The following SVEP1 variants were observed in gnomAD, a reference collection of about 807,000 sequenced individuals.
SVEP1 encodes sushi, von Willebrand factor type A, EGF and pentraxin domain-containing protein 1.
SVEP1 carries 164 observed loss-of-function variants against 367.3 expected under a neutral mutation model. The ratio of observed to expected loss-of-function variants is 0.45; its 90% CI spans 0.39 to 0.51. The LOEUF is 0.51. Among genes scored for constraint, SVEP1 ranks in the 20% least tolerant of loss-of-function variants. SVEP1 has a pLI of 0.00. For missense variants in SVEP1, 4,117 were observed against 4,425.3 expected (o/e 0.93, Z 1.98); for synonymous variants, 1,666 against 1,611.6 (o/e 1.03, Z -0.81).
chr9:110,476,884 C>A (rs1034013194), intron 13 of SVEP1, among the ~76,000 whole-genome samples: 52 of 152,242 alleles, frequency 3.4e-4, no homozygotes, highest in African/African-American at 1.2e-3. Flanking sequence ...CCAGATCAAA[C>A]TCCCTCATAT....
Position 110,510,376 on chromosome 9 carries a change from C to T in SVEP1, c.1303+2550G>A, listed in dbSNP as rs961730176. Among the ~76,000 whole-genome samples, 3 of 152,210 alleles carry T rather than the reference C, an allele frequency of 2.0e-5. No individual in the cohort carries two copies. The East Asian group carries it at 5.8e-4, about 29-fold the overall frequency. On this transcript the variant is annotated intron_variant, in intron 5 of 47. Coordinates refer to ENST00000374469, the MANE Select transcript of SVEP1 (RefSeq NM_153366.4). ...CTATTCCCTGAAATAAATCCTTCAT[C>T]CCATAACATGCATGGTGACTGTGCT...
intron 3 of SVEP1, among the ~76,000 whole-genome samples, chr9:110,516,370 T>C (rs1427206070): frequency 6.6e-6 from 1 of 151,866 alleles, no homozygotes; most frequent in African/African-American, 2.4e-5. Flanking sequence ...TCTCATGATA[T>C]ATAGTAGCAA....
At chr9:110,405,758 G>GT (rs775118288) in intron 38 of SVEP1, among the ~76,000 whole-genome samples, 15 of 152,092 alleles carry the variant, frequency 9.9e-5, no homozygotes, top group Non-Finnish European at 1.6e-4. Context: ...GAATTCTTCA[G>GT]TTTTTTGCCT....
intron 1 of SVEP1, among the ~76,000 whole-genome samples, chr9:110,551,117 A>T (rs1196340917): frequency 2.0e-5 from 3 of 152,228 alleles, no homozygotes; most frequent in Non-Finnish European, 4.4e-5. Flanking sequence ...AAGAAACACT[A>T]CATGTTTTTC....
chr9:110,456,661 T>G (rs1405688656), intron 21 of SVEP1, among the ~76,000 whole-genome samples: 1 of 152,208 alleles, frequency 6.6e-6, no homozygotes, highest in African/African-American at 2.4e-5. Context: ...AAAATGATTA[T>G]TTTAAATTAA....
intron 27 of SVEP1, among the ~76,000 whole-genome samples, chr9:110,438,326 G>A (rs919501949): frequency 2.6e-5 from 4 of 151,662 alleles, no homozygotes; most frequent in Non-Finnish European, 4.4e-5. Context: ...AGATAGCTGG[G>A]ATTACAGGTA....
chr9:110,445,954 T>C lies in SVEP1; in HGVS notation c.4346A>G (p.His1449Arg). ...VMLDGMLPSL[H>R]ALTCTFWMKS... Reference sequence around the variant, plus strand: ...CATCCAGAAGGTACAGGTTAGAGCATGGAGAGATGGGAGCATGCCATCTAG... The same window carrying C: ...CATCCAGAAGGTACAGGTTAGAGCACGGAGAGATGGGAGCATGCCATCTAG... Residue 1449 changes from histidine to arginine, a missense_variant, in exon 26 of 48, where the codon CAT becomes CGT. His to Arg is a conservative substitution (Grantham distance 29). Coordinates refer to ENST00000374469, the MANE Select transcript of SVEP1 (RefSeq NM_153366.4). 1 of 1,613,888 alleles carries C rather than the reference T, an allele frequency of 6.2e-7. No homozygotes were observed. Among genetic ancestry groups the C allele is most frequent in the Non-Finnish European group, 8.5e-7 (1 of 1,179,826 alleles).
Position 110,513,024 on chromosome 9 carries a change from C to G in SVEP1, c.1205G>C (p.Cys402Ser). The G allele has an allele frequency of 6.2e-7, 1 of 1,614,018 alleles. No homozygotes were observed. Among genetic ancestry groups the G allele is most frequent in the Non-Finnish European group, 8.5e-7 (1 of 1,179,890 alleles). ...AAATCCAGGGTGACATCGGACCCCA[C>G]AGGCTGCATTGAAGTGGTTGTTGCA... ...NTCNNHFNAA[C>S]GVRCHPGFDL... Residue 402 changes from cysteine to serine, a missense_variant, in exon 5 of 48, where the codon TGT becomes TCT. By Grantham distance (112) the Cys-to-Ser change is moderately radical. Transcript: ENST00000374469.
intron 1 of SVEP1, among the ~76,000 whole-genome samples, chr9:110,562,881 G>A (rs907936885): frequency 6.6e-6 from 1 of 152,014 alleles, no homozygotes; most frequent in Non-Finnish European, 1.5e-5. Context: ...TAGTAGAGAT[G>A]GGGTTTCATC....
intron 1 of SVEP1, among the ~76,000 whole-genome samples, chr9:110,550,713 A>G (rs1830275785): frequency 6.6e-6 from 1 of 152,210 alleles, no homozygotes; most frequent in Non-Finnish European, 1.5e-5. Context: ...ACCACCCGGT[A>G]CTAGCATAAA....
At chr9:110,403,709 A>C (rs1162511895) in intron 39 of SVEP1, among the ~76,000 whole-genome samples, 2 of 152,090 alleles carry the variant, frequency 1.3e-5, no homozygotes, top group African/African-American at 2.4e-5. Context: ...TGTGCAAAAG[A>C]ATGTCTATGC....
intron 1 of SVEP1, among the ~76,000 whole-genome samples, chr9:110,563,865 A>G (rs1021618689): frequency 3.3e-5 from 5 of 152,142 alleles, no homozygotes; most frequent in Non-Finnish European, 5.9e-5. Flanking sequence ...TTCTCTGTGC[A>G]GTCTTAACTC....
At chr9:110,442,805 C>T (rs1007522906) in intron 27 of SVEP1, 2 of 152,108 alleles carry the variant, frequency 1.3e-5, no homozygotes, top group African/African-American at 4.8e-5. Flanking sequence ...TTTGAGGCTT[C>T]GCAAGGGTCA....
At chr9:110,447,508 TG>T (rs1307015693) in intron 24 of SVEP1, among the ~76,000 whole-genome samples, 9 of 152,150 alleles carry the variant, frequency 5.9e-5, no homozygotes, top group African/African-American at 2.2e-4. Flanking sequence ...AGTGGTGGAG[TG>T]GGGTTTTGAA....
intron 38 of SVEP1, 63 bp downstream of exon 38, chr9:110,406,097 C>T (rs763251327): frequency 2.2e-4 from 321 of 1,492,500 alleles, no homozygotes; most frequent in Non-Finnish European, 2.8e-4. Context: ...AATTTTTGAT[C>T]GATCACATTT....
At chr9:110,445,031 G>C (rs2118593761) in intron 26 of SVEP1, among the ~76,000 whole-genome samples, 1 of 152,260 alleles carries the variant, frequency 6.6e-6, no homozygotes, top group African/African-American at 2.4e-5. Flanking sequence ...CTCATAAGTA[G>C]GCCAACGATT....
At chr9:110,565,425 G>A (rs1830479986) in intron 1 of SVEP1, among the ~76,000 whole-genome samples, 1 of 152,142 alleles carries the variant, frequency 6.6e-6, no homozygotes, top group African/African-American at 2.4e-5. Context: ...TTGGATTAAA[G>A]GAACCTAAGA....
At chr9:110,562,814 C>A (rs1830448057) in intron 1 of SVEP1, among the ~76,000 whole-genome samples, 1 of 152,196 alleles carries the variant, frequency 6.6e-6, no homozygotes, top group East Asian at 1.9e-4. Context: ...CTCAGCCTCC[C>A]AAGTAGTTGG....
At chr9:110,400,089 G>A (rs533569464) in intron 40 of SVEP1, among the ~76,000 whole-genome samples, 33 of 152,298 alleles carry the variant, frequency 2.2e-4, no homozygotes, top group African/African-American at 7.9e-4. Context: ...AAACTGTTCT[G>A]TGGTGTTTTC....
Sources: gnomAD v4.1 joint callset for allele counts (sites outside exome capture counted in the v4.1 genomes callset) on GRCh38, gnomAD v4.1.1 for gene constraint, MANE v1.5 for transcripts, NCBI Gene and HGNC (gene_info 2026-07-23, HGNC 2026-07-21) for gene names.